MAP3K9: variants seen among roughly 807,000 people sequenced by gnomAD.
MAP3K9 encodes the protein mixed lineage kinase 1 (tyr and ser/thr specificity).
Under a neutral mutation model 95.8 loss-of-function variants are expected in MAP3K9, and 46 were observed. That is an observed-to-expected ratio of 0.48 (90% CI 0.38 to 0.61). The LOEUF (loss-of-function observed/expected upper bound fraction) is 0.61. MAP3K9 is among the 20% of genes least tolerant of loss of function. The probability of loss-of-function intolerance (pLI) is 0.00; values close to 1 mark genes in which losing one functional copy is unlikely to be tolerated. For missense variants in MAP3K9, 1,296 were observed against 1,474.3 expected, an observed-to-expected ratio of 0.88 and a Z score of 1.98; for synonymous variants, 533 against 593.8, an observed-to-expected ratio of 0.90 and a Z score of 1.49.
rs2053820384 is a variant in MAP3K9 at position 70,726,323 on chromosome 14, G to C, written c.*4057C>G. The stretch of plus-strand genomic sequence containing the variant: ...GAGCAACAGTAGCCTGAGGGAAAGG[G>C]GGCTTAGTGACCATGACACATGTCC... On this transcript the variant is annotated 3_prime_UTR_variant, in exon 12 of 12. Coordinates refer to ENST00000554752, the MANE Select transcript of MAP3K9 (RefSeq NM_001284230.2). 6.6e-6 allele frequency: 1 copy of C among 152,244 alleles called. No individual in the cohort carries two copies. The highest frequency in any genetic ancestry group is 1.5e-5 in the Non-Finnish European group (1 of 68,076). The allele number at this position is 152,244 out of a possible 1,614,324, so 9.4% of individuals were successfully genotyped here. A position where few individuals can be genotyped will look rare whatever the true frequency, so the allele number is the denominator to read the frequency against.
Position 70,732,518 on chromosome 14 carries a change from GAA to G in MAP3K9, c.2830+19_2830+20del, listed in dbSNP as rs1297426134. 2.6e-6 allele frequency: 4 copies of G among 1,521,170 alleles called. No homozygotes were observed. The highest frequency in any genetic ancestry group is 3.5e-6 in the Non-Finnish European group (4 of 1,135,782). 94.2% of individuals were successfully genotyped at this position (1,521,170 alleles called of 1,614,324 possible). A position where few individuals can be genotyped will look rare whatever the true frequency, so the allele number is the denominator to read the frequency against. On this transcript the variant is annotated intron_variant, in intron 11 of 11. Coordinates refer to ENST00000554752, the MANE Select transcript of MAP3K9 (RefSeq NM_001284230.2). Reference sequence around the variant, plus strand: ...TGAGGAGGCACAAAGAAAGGAAAGAGAAAAGAGGAAGAAGACTCACCTGCTCC... The same window carrying G: ...TGAGGAGGCACAAAGAAAGGAAAGAGAAGAGGAAGAAGACTCACCTGCTCC...
At chr14:70,766,688 C>T (rs2054460333) in intron 2 of MAP3K9, among the ~76,000 whole-genome samples, 1 of 152,188 alleles carries the variant, frequency 6.6e-6, no homozygotes, top group Admixed American at 6.5e-5. Flanking sequence ...AAGGTTAAGT[C>T]AGTTGCCCAG....
chr14:70,743,634 T>C (rs900365626), intron 5 of MAP3K9, among the ~76,000 whole-genome samples: 1 of 152,142 alleles, frequency 6.6e-6, no homozygotes. Context: ...ACTACAGAAT[T>C]GCAAATCAAA....
chr14:70,804,608 C>T (rs1167752500), intron 1 of MAP3K9, among the ~76,000 whole-genome samples: 2 of 152,134 alleles, frequency 1.3e-5, no homozygotes, highest in Non-Finnish European at 2.9e-5. Flanking sequence ...TTGTACCCTC[C>T]CTTCTTTCCT....
chr14:70,809,181 G>A lies in MAP3K9; in HGVS notation c.-10C>T, dbSNP rs2055037971. ...CTCTGGAGGGCTCCATGGAGCGGCC[G>A]ATCCATAGGGTGCGGGGCCGCCGCC... On this transcript the variant is annotated 5_prime_UTR_variant, in exon 1 of 12. Coordinates refer to ENST00000554752, the MANE Select transcript of MAP3K9 (RefSeq NM_001284230.2). 3 of 1,330,772 alleles carry A rather than the reference G, an allele frequency of 2.3e-6. No homozygotes were observed. Among genetic ancestry groups the A allele is most frequent in the South Asian group, 2.1e-5 (1 of 47,794 alleles). The allele number at this position is 1,330,772 out of a possible 1,614,324, so 82.4% of individuals were successfully genotyped here.
intron 2 of MAP3K9, among the ~76,000 whole-genome samples, chr14:70,799,600 A>G (rs1196000829): frequency 6.6e-6 from 1 of 152,184 alleles, no homozygotes; most frequent in African/African-American, 2.4e-5. Context: ...TGGCCTCCCA[A>G]AGTGCTGGGA....
In MAP3K9 at chr14:70,809,100, T is replaced by C; in HGVS notation, c.72A>G (p.Gly24=). ...CCTCCTCCTCGGCCCCGGCCCCTGCTCCATCCTCCCCCGGCGGGGCGGCAG... is the reference window on the plus strand; with the variant it reads ...CCTCCTCCTCGGCCCCGGCCCCTGCCCCATCCTCCCCCGGCGGGGCGGCAG... The part of the protein sequence containing the change: ...AAAAAPPGED[G]AGAGAEEEEE... The change falls in exon 1 of 12, where the codon GGA becomes GGG. Residue 24 remains glycine (G), a synonymous_variant. Coordinates refer to ENST00000554752, the MANE Select transcript of MAP3K9 (RefSeq NM_001284230.2). 1 of 1,394,358 alleles carries C rather than the reference T, an allele frequency of 7.2e-7. No individual in the cohort carries two copies. The highest frequency in any genetic ancestry group is 9.2e-7 in the Non-Finnish European group (1 of 1,084,174). The allele number at this position is 1,394,358 out of a possible 1,614,324, so 86.4% of individuals were successfully genotyped here. A position where few individuals can be genotyped will look rare whatever the true frequency, so the allele number is the denominator to read the frequency against.
In MAP3K9 at chr14:70,738,355, G is replaced by T; in HGVS notation, c.1734C>A (p.Val578=). The change falls in exon 8 of 12, where the codon GTC becomes GTA. Residue 578 remains valine (V), a synonymous_variant. Coordinates refer to ENST00000554752, the MANE Select transcript of MAP3K9 (RefSeq NM_001284230.2). The part of the protein sequence containing the change: ...ESSKTWGRSS[V]VPKEEGEEEE... ...CCTCCTCCCCTTCCTCCTTTGGGAC[G>T]ACTGAGCTCCTGCCCCAGGTTTTGC... 6.2e-7 allele frequency: 1 copy of T among 1,613,836 alleles called. No individual in the cohort carries two copies. Among genetic ancestry groups the T allele is most frequent in the Non-Finnish European group, 8.5e-7 (1 of 1,179,944 alleles).
intron 3 of MAP3K9, among the ~76,000 whole-genome samples, chr14:70,751,709 ACT>A (rs1323717113): frequency 6.6e-6 from 1 of 152,120 alleles, no homozygotes; most frequent in African/African-American, 2.4e-5. Flanking sequence ...ACAGAGCAAG[ACT>A]CTGTCTCAAA....
Position 70,730,362 on chromosome 14 carries a change from G to A in MAP3K9, c.*18C>T, listed in dbSNP as rs759331721. On this transcript the variant is annotated 3_prime_UTR_variant, in exon 12 of 12. Coordinates refer to ENST00000554752, the MANE Select transcript of MAP3K9 (RefSeq NM_001284230.2). ...TCTCCGCTGGCTGTCCCCCTTGCCC[G>A]CCCCAATCCTTTTCGTGCTAAGACC... is the stretch of plus-strand genomic sequence containing the variant. 5.7e-6 allele frequency: 9 copies of A among 1,589,348 alleles called. No individual in the cohort carries two copies. Among genetic ancestry groups the A allele is most frequent in the Admixed American group, 5.1e-5 (3 of 58,976 alleles).
In MAP3K9 at chr14:70,800,864, C is replaced by G; in HGVS notation, c.623G>C (p.Gly208Ala). The change falls in exon 2 of 12, where the codon GGG (glycine) becomes GCG (alanine). Residue 208 changes from glycine (G) to alanine (A), a missense_variant. Coordinates refer to ENST00000554752, the MANE Select transcript of MAP3K9 (RefSeq NM_001284230.2). The part of the protein sequence containing the change: ...LKHPNIIALR[G>A]VCLKEPNLCL... Reference sequence around the variant, plus strand: ...GAGGTTGGGCTCCTTCAGACATACCCCTCTTAGGGCAATGATGTTGGGGTG... The same window carrying G: ...GAGGTTGGGCTCCTTCAGACATACCGCTCTTAGGGCAATGATGTTGGGGTG... The G allele has an allele frequency of 1.2e-6, 2 of 1,614,122 alleles. No homozygotes were observed. The highest frequency in any genetic ancestry group is 1.1e-5 in the South Asian group (1 of 91,080).
At chr14:70,755,906 A>C (rs768197264) in intron 3 of MAP3K9, among the ~76,000 whole-genome samples, 4 of 152,200 alleles carry the variant, frequency 2.6e-5, no homozygotes, top group Non-Finnish European at 4.4e-5. Flanking sequence ...CCATGTGACA[A>C]TATCCAAGAC....
At chr14:70,739,533 T>A (rs534475484) in intron 7 of MAP3K9, among the ~76,000 whole-genome samples, 6 of 150,722 alleles carry the variant, frequency 4.0e-5, no homozygotes, top group Non-Finnish European at 8.9e-5. Flanking sequence ...CACACTTACA[T>A]GTATGTGTGA....
chr14:70,739,491 T>C (rs905987617), intron 7 of MAP3K9, among the ~76,000 whole-genome samples: 4 of 131,820 alleles, frequency 3.0e-5, no homozygotes, highest in Admixed American at 8.2e-5. Context: ...CATTCACATA[T>C]AGGTGTATGT....
At chr14:70,747,719 G>A (rs1228884896) in intron 5 of MAP3K9, among the ~76,000 whole-genome samples, 2 of 152,188 alleles carry the variant, frequency 1.3e-5, no homozygotes, top group Admixed American at 6.5e-5. Context: ...AGACAAAAAG[G>A]TCTCATCAAA....
At chr14:70,751,727 C>CAAT (rs986272966) in intron 3 of MAP3K9, among the ~76,000 whole-genome samples, 1 of 152,040 alleles carries the variant, frequency 6.6e-6, no homozygotes, top group African/African-American at 2.4e-5. Flanking sequence ...TCAAAGTAAT[C>CAAT]AATAATAATA....
At chr14:70,791,989 G>C (rs1323491657) in intron 2 of MAP3K9, among the ~76,000 whole-genome samples, 2 of 152,190 alleles carry the variant, frequency 1.3e-5, no homozygotes, top group Admixed American at 1.3e-4. Flanking sequence ...CCACGTTCAA[G>C]AACTGAAAGA....
chr14:70,798,679 C>T (rs1161076097), intron 2 of MAP3K9, among the ~76,000 whole-genome samples: 9 of 151,512 alleles, frequency 5.9e-5, no homozygotes, highest in South Asian at 2.1e-4. Context: ...GGGGTTTCAC[C>T]GTTTTAGCCG....
In MAP3K9 at chr14:70,730,870, C is replaced by A; in HGVS notation, c.2831-6G>T. On this transcript the variant is annotated splice_region_variant and splice_polypyrimidine_tract_variant and intron_variant, in intron 11 of 11. Coordinates refer to ENST00000554752, the MANE Select transcript of MAP3K9 (RefSeq NM_001284230.2). ...ACTGGGGGTTTTCAACATTCCTGGT[C>A]AAAAAGACAAAAGGAGAAGCATCAG... is the stretch of plus-strand genomic sequence containing the variant. 6.3e-7 allele frequency: 1 copy of A among 1,590,128 alleles called. No individual in the cohort carries two copies.
Sources: allele counts gnomAD v4.1 joint callset (sites outside exome capture counted in the v4.1 genomes callset), GRCh38; gene constraint gnomAD v4.1.1; transcripts MANE v1.5; gene names NCBI Gene and HGNC (gene_info 2026-07-23, HGNC 2026-07-21).